Variants in CFAP45 observed in about 807,000 individuals in gnomAD.
The protein encoded by CFAP45 is cilia- and flagella-associated protein 45.
In CFAP45, 43 loss-of-function variants were observed where a neutral mutation model predicts 75.6. The observed-to-expected ratio is 0.57, with a 90% CI of 0.45 to 0.73. The LOEUF is 0.73. Among genes scored for constraint, CFAP45 ranks in the 30% least tolerant of loss-of-function variants. CFAP45 has a pLI of 0.00. For missense variants in CFAP45, 689 were observed against 701.5 expected, an observed-to-expected ratio of 0.98 and a Z score of 0.20; for synonymous variants, 223 against 244.6, an observed-to-expected ratio of 0.91 and a Z score of 0.82.
chr1:159,882,948 T>C (rs1355499724), intron 7 of CFAP45, among the ~76,000 whole-genome samples: 6 of 152,216 alleles, frequency 3.9e-5, no homozygotes, highest in Admixed American at 3.9e-4. Context: ...CACAGAGCTG[T>C]GTGCCCCTTC....
intron 10 of CFAP45, among the ~76,000 whole-genome samples, chr1:159,875,303 A>T (rs16842772): frequency 0.1 from 15,543 of 152,266 alleles, 1,088 homozygotes; most frequent in African/African-American, 0.19. Context: ...TCTGGAAGGC[A>T]GTCTGTAGCC....
rs149299675 is a variant in CFAP45 at position 159,886,684 on chromosome 1, G to C, written c.594C>G (p.Ile198Met). The change falls in exon 6 of 12, where the codon ATC (isoleucine) becomes ATG (methionine). Residue 198 changes from isoleucine to methionine, a missense_variant. Ile to Met is a conservative substitution (Grantham distance 10). Transcript: ENST00000368099. ...GGATGGCATGGCACTTAGCATTGAG[G>C]ATAATCTGGAGAGTGGAGATTAAAC... ...EEELKDMSKI[I>M]LNAKCHAIRD... 1.2e-6 allele frequency: 2 copies of C among 1,613,628 alleles called. No individual in the cohort carries two copies. Among genetic ancestry groups the C allele is most frequent in the Non-Finnish European group, 1.7e-6 (2 of 1,179,644 alleles).
chr1:159,893,330 G>A (rs758125513), intron 1 of CFAP45, 25 bp from the exon 2 acceptor site: 4 of 1,610,942 alleles, frequency 2.5e-6, no homozygotes, highest in Non-Finnish European at 3.4e-6. Context: ...AGAAAGTTTG[G>A]GTCATCAGTA....
chr1:159,873,874 T>C (rs1649341186), intron 10 of CFAP45, among the ~76,000 whole-genome samples: 2 of 151,860 alleles, frequency 1.3e-5, no homozygotes, highest in Admixed American at 1.3e-4. Context: ...CCTTGCTTCC[T>C]TCCTTCCTTT....
intron 8 of CFAP45, among the ~76,000 whole-genome samples, chr1:159,878,401 G>A (rs749857045): frequency 6.6e-6 from 1 of 152,066 alleles, no homozygotes; most frequent in Non-Finnish European, 1.5e-5. Flanking sequence ...GCTTCCCAAC[G>A]CCATTCTTGA....
chr1:159,892,706 T>C (rs1489406865), intron 2 of CFAP45, among the ~76,000 whole-genome samples: 1 of 152,232 alleles, frequency 6.6e-6, no homozygotes, highest in Non-Finnish European at 1.5e-5. Flanking sequence ...TAGATAACAC[T>C]TGCAAATAAA....
At chr1:159,878,912 C>T (rs868754913) in intron 8 of CFAP45, among the ~76,000 whole-genome samples, 5 of 152,086 alleles carry the variant, frequency 3.3e-5, no homozygotes, top group Admixed American at 3.3e-4. Context: ...ACAGGGAACT[C>T]TGGGTGTTTC....
At chr1:159,875,444 G>A (rs898733134) in intron 10 of CFAP45, among the ~76,000 whole-genome samples, 3 of 152,116 alleles carry the variant, frequency 2.0e-5, no homozygotes, top group Admixed American at 2.0e-4. Flanking sequence ...ACATGCTGGG[G>A]CCTGCAGTCC....
At chr1:159,889,458 G>C (rs1649775529) in intron 3 of CFAP45, among the ~76,000 whole-genome samples, 1 of 152,188 alleles carries the variant, frequency 6.6e-6, no homozygotes, top group South Asian at 2.1e-4. Flanking sequence ...TAGATTTGCA[G>C]CTTAGCCAAG....
chr1:159,888,118 T>C, intron 4 of CFAP45, 107 bp from the exon 5 acceptor site: 2 of 1,323,242 alleles, frequency 1.5e-6, no homozygotes, highest in Non-Finnish European at 2.1e-6. Context: ...CCTTGGCCAG[T>C]GATGATGTCA....
At chr1:159,872,844 C>T in intron 11 of CFAP45, 100 bp downstream of exon 11, 1 of 1,176,204 alleles carries the variant, frequency 8.5e-7, no homozygotes, top group Non-Finnish European at 1.2e-6. Flanking sequence ...AGCATCTCTG[C>T]CATGGCCCTT....
intron 10 of CFAP45, among the ~76,000 whole-genome samples, chr1:159,874,223 A>G (rs548445867): frequency 6.6e-6 from 1 of 152,252 alleles, no homozygotes; most frequent in African/African-American, 2.4e-5. Context: ...ATGTAAAATC[A>G]TCTTAGGCAG....
intron 1 of CFAP45, among the ~76,000 whole-genome samples, chr1:159,895,407 G>T (rs1312787637): frequency 3.3e-5 from 5 of 152,188 alleles, no homozygotes; most frequent in African/African-American, 1.2e-4. Context: ...CTAAGCCCTG[G>T]ACAGTGTTCT....
At chr1:159,892,107 T>G (rs1571188758) in intron 2 of CFAP45, among the ~76,000 whole-genome samples, 1 of 152,140 alleles carries the variant, frequency 6.6e-6, no homozygotes, top group South Asian at 2.1e-4. Context: ...GGGAACATGA[T>G]GAAACCCTGT....
chr1:159,883,539 A>G (rs925157793), intron 7 of CFAP45, among the ~76,000 whole-genome samples: 4 of 151,968 alleles, frequency 2.6e-5, no homozygotes, highest in African/African-American at 9.7e-5. Context: ...GAGAGTGTCC[A>G]TGTTCTTCAG....
At chr1:159,891,483 G>A (rs901004524) in intron 2 of CFAP45, among the ~76,000 whole-genome samples, 1 of 152,188 alleles carries the variant, frequency 6.6e-6, no homozygotes, top group Non-Finnish European at 1.5e-5. Flanking sequence ...GGAGGTCAGT[G>A]AGTTAGAATT....
intron 7 of CFAP45, among the ~76,000 whole-genome samples, chr1:159,882,292 CCTG>C (rs1649566815): frequency 6.6e-6 from 1 of 152,158 alleles, no homozygotes; most frequent in South Asian, 2.1e-4. Context: ...TGATTTTAGG[CCTG>C]CTATTTGTAT....
In CFAP45 at chr1:159,877,389, C is replaced by G; in HGVS notation, c.1118G>C (p.Arg373Thr). The G allele has an allele frequency of 6.2e-7, 1 of 1,614,098 alleles. No homozygotes were observed. The highest frequency in any genetic ancestry group is 8.5e-7 in the Non-Finnish European group (1 of 1,179,936). ...ATCCTGGGCCTTCTCCTGCATGGCCCTCAAGCGTGCGATCTCCTTCTCTTT... is the reference window on the plus strand; with the variant it reads ...ATCCTGGGCCTTCTCCTGCATGGCCGTCAAGCGTGCGATCTCCTTCTCTTT... The part of the protein sequence containing the change: ...REKEKEIARL[R>T]AMQEKAQDYQ... The change falls in exon 9 of 12, where the codon AGG becomes ACG. Residue 373 changes from arginine (R) to threonine (T), a missense_variant. Physicochemically the swap from Arg to Thr is moderately conservative, Grantham distance 71. Transcript: ENST00000368099.
chr1:159,886,566 T>C lies in CFAP45; in HGVS notation c.712A>G (p.Lys238Glu), dbSNP rs575155556. Residue 238 changes from lysine to glutamate, a missense_variant, in exon 6 of 12, where the codon AAA becomes GAA. Lys to Glu is a moderately conservative substitution (Grantham distance 56). Transcript: ENST00000368099. ...LDQMMEVERQ[K>E]SIQRQEELER... is the part of the protein sequence containing the mutation. ...AGTTCCTCCTGCCTTTGAATGGATT[T>C]CTGCCGCTCCACTTCCATCATCTGA... The C allele has an allele frequency of 4.3e-6, 7 of 1,614,186 alleles. No homozygotes were observed. The African/African-American group carries it at 6.7e-5, about 15-fold the overall frequency.
Sources: allele counts gnomAD v4.1 joint callset (sites outside exome capture counted in the v4.1 genomes callset), GRCh38; gene constraint gnomAD v4.1.1; transcripts MANE v1.5; gene names NCBI Gene and HGNC (gene_info 2026-07-23, HGNC 2026-07-21).